Variants in FBXW2 observed in about 807,000 individuals in gnomAD.
FBXW2 encodes the protein F-box and WD repeat domain containing 2, also known as F-box/WD repeat-containing protein 2.
Under a neutral mutation model 46.0 loss-of-function variants are expected in FBXW2, and 12 were observed. The ratio of observed to expected loss-of-function variants is 0.26; its 90% CI spans 0.17 to 0.42. The LOEUF is 0.42. Among genes scored for constraint, FBXW2 ranks in the 10% least tolerant of loss-of-function variants. The pLI is 1.00. For missense variants in FBXW2, 360 were observed against 537.0 expected (o/e 0.67, Z 3.26); for synonymous variants, 203 against 209.6 (o/e 0.97, Z 0.27).
intron 7 of FBXW2, 147 bp downstream of exon 7, chr9:120,771,201 G>T: frequency 3.3e-6 from 2 of 599,148 alleles, no homozygotes; most frequent in Non-Finnish European, 5.4e-6. Context: ...GAGATGTTCA[G>T]TATATATAAC....
intron 4 of FBXW2, among the ~76,000 whole-genome samples, chr9:120,776,903 G>A (rs968042367): frequency 2.0e-5 from 3 of 152,042 alleles, no homozygotes; most frequent in Non-Finnish European, 2.9e-5. Context: ...GAGTGGAGGA[G>A]GAAGCCCAGA....
intron 7 of FBXW2, 88 bp from the exon 8 acceptor site, chr9:120,764,935 C>A: frequency 9.1e-7 from 1 of 1,097,864 alleles, no homozygotes; most frequent in Non-Finnish European, 1.3e-6. Context: ...TATTTAAAAC[C>A]AATATTAAAT....
At position 120,760,767 on chromosome 9, in the gene FBXW2, C is replaced by T. The variant is rs570642837; in HGVS notation, c.*3792G>A. On this transcript the variant is annotated 3_prime_UTR_variant, in exon 8 of 8. Transcript: ENST00000608872. ...TCAAAGAAATGTGTAAAGCCAGGAT[C>T]CACTATCCTTAGCTGATTCTGTTAG... 1.3e-5 allele frequency: 2 copies of T among 152,344 alleles called. No individual in the cohort carries two copies. Among genetic ancestry groups the T allele is most frequent in the African/African-American group, 4.8e-5 (2 of 41,576 alleles). 9.4% of individuals were successfully genotyped at this position (152,344 alleles called of 1,614,324 possible).
chr9:120,773,377 A>C (rs2044422038), intron 5 of FBXW2, among the ~76,000 whole-genome samples: 1 of 152,178 alleles, frequency 6.6e-6, no homozygotes, highest in African/African-American at 2.4e-5. Context: ...ATCATAAATG[A>C]AAAAGCACTG....
chr9:120,776,383 T>C (rs1204521416), intron 4 of FBXW2, 157 bp from the exon 5 acceptor site: 7 of 778,924 alleles, frequency 9.0e-6, no homozygotes, highest in Non-Finnish European at 1.2e-5. Flanking sequence ...GATAAAACTA[T>C]TTCAAAATTC....
At chr9:120,784,197 T>C (rs1026725863) in intron 3 of FBXW2, among the ~76,000 whole-genome samples, 2 of 152,186 alleles carry the variant, frequency 1.3e-5, no homozygotes, top group African/African-American at 4.8e-5. Flanking sequence ...GAATTGTAGA[T>C]ATTAACTTTC....
intron 6 of FBXW2, among the ~76,000 whole-genome samples, chr9:120,772,486 G>A (rs2044399556): frequency 1.1e-5 from 1 of 94,630 alleles, no homozygotes; most frequent in Non-Finnish European, 2.1e-5. Flanking sequence ...GAGCGAGACT[G>A]TCTCAAAAAA....
At chr9:120,790,041 T>A (rs1339116630) in intron 2 of FBXW2, among the ~76,000 whole-genome samples, 1 of 152,214 alleles carries the variant, frequency 6.6e-6, no homozygotes, top group African/African-American at 2.4e-5. Context: ...TTCCTCTAAA[T>A]CCTAACAACC....
rs2044208956 is a variant in FBXW2, at chr9:120,762,352, A to G, written c.*2207T>C. 1 of 150,502 alleles carries G rather than the reference A, an allele frequency of 6.6e-6. No homozygotes were observed. The highest frequency in any genetic ancestry group is 1.5e-5 in the Non-Finnish European group (1 of 67,710). The allele number at this position is 150,502 out of a possible 1,614,324, so 9.3% of individuals were successfully genotyped here. On this transcript the variant is annotated 3_prime_UTR_variant, in exon 8 of 8. Coordinates refer to ENST00000608872, the MANE Select transcript of FBXW2 (RefSeq NM_012164.4). ...CGAAACTCTGTCTCAAAAAAAAAAA[A>G]ATAATAATAAAGTAAAAAGTCATTT...
At chr9:120,787,168 A>AT (rs764556527) in intron 3 of FBXW2, among the ~76,000 whole-genome samples, 123 of 152,364 alleles carry the variant, frequency 8.1e-4, no homozygotes, top group Non-Finnish European at 1.3e-3. Context: ...AGCTGGGATT[A>AT]TAGGCGCATG....
Position 120,787,770 on chromosome 9 carries a change from T to G in FBXW2, c.489A>C (p.Thr163=), listed in dbSNP as rs753715894. The part of the protein sequence containing the change: ...ALYYKDGLLC[T]GSDDLSAKLW... ...AAAAGCAGTTTCAACATCTCTTACCTGTACAGAGAAGTCCATCTTTGTAGT... is the reference window on the plus strand; with the variant it reads ...AAAAGCAGTTTCAACATCTCTTACCGGTACAGAGAAGTCCATCTTTGTAGT... Residue 163 remains threonine (T), a splice_region_variant and synonymous_variant, in exon 3 of 8, where the codon ACA becomes ACC. Transcript: ENST00000608872. 1.2e-6 allele frequency: 2 copies of G among 1,609,854 alleles called. No homozygotes were observed. The highest frequency in any genetic ancestry group is 1.7e-6 in the Non-Finnish European group (2 of 1,178,404).
chr9:120,783,011 C>A (rs928462270), intron 3 of FBXW2, among the ~76,000 whole-genome samples: 1 of 151,916 alleles, frequency 6.6e-6, no homozygotes, highest in Non-Finnish European at 1.5e-5. Flanking sequence ...GTGATGACTG[C>A]ACAACAACGT....
chr9:120,788,367 A>G, intron 2 of FBXW2, 89 bp from the exon 3 acceptor site: 1 of 1,279,164 alleles, frequency 7.8e-7, no homozygotes, highest in South Asian at 1.4e-5. Context: ...AAATTAGTGT[A>G]AAAAATCTGC....
At position 120,759,442 on chromosome 9, in the gene FBXW2, C is replaced by T. The variant is rs1247448742; in HGVS notation, c.*5117G>A. The T allele has an allele frequency of 6.6e-6, 1 of 152,224 alleles. No homozygotes were observed. Among genetic ancestry groups the T allele is most frequent in the African/African-American group, 2.4e-5 (1 of 41,462 alleles). The allele number at this position is 152,224 out of a possible 1,614,324, so 9.4% of individuals were successfully genotyped here. The stretch of plus-strand genomic sequence containing the variant: ...TAAGCAACCTCTTCTTCCCCCTACC[C>T]CACACAGTTCAAATATAAACTTTAT... On this transcript the variant is annotated 3_prime_UTR_variant, in exon 8 of 8. Transcript: ENST00000608872.
intron 3 of FBXW2, among the ~76,000 whole-genome samples, chr9:120,785,372 C>A (rs2044699036): frequency 6.6e-6 from 1 of 152,146 alleles, no homozygotes; most frequent in Non-Finnish European, 1.5e-5. Context: ...ATCACCACAA[C>A]AGAGAAAGTA....
intron 3 of FBXW2, among the ~76,000 whole-genome samples, chr9:120,782,320 G>A (rs574937556): frequency 3.9e-5 from 6 of 152,072 alleles, no homozygotes; most frequent in South Asian, 2.1e-4. Context: ...ACAAAAATTA[G>A]CCAGACACGG....
intron 2 of FBXW2, among the ~76,000 whole-genome samples, chr9:120,790,744 A>G (rs969263012): frequency 5.3e-5 from 8 of 152,222 alleles, no homozygotes; most frequent in Non-Finnish European, 1.2e-4. Flanking sequence ...TAAGAGACAT[A>G]CTATAATATG....
chr9:120,769,184 C>T (rs1046051011), intron 7 of FBXW2, among the ~76,000 whole-genome samples: 3 of 152,210 alleles, frequency 2.0e-5, no homozygotes, highest in African/African-American at 7.2e-5. Context: ...TGCTTTGCTT[C>T]TTTTCAATTA....
intron 7 of FBXW2, among the ~76,000 whole-genome samples, chr9:120,765,433 C>A (rs977806931): frequency 6.6e-6 from 1 of 152,136 alleles, no homozygotes; most frequent in Non-Finnish European, 1.5e-5. Flanking sequence ...TCTATCCAGG[C>A]TAGAAAGGAT....
Sources: allele counts gnomAD v4.1 joint callset (sites outside exome capture counted in the v4.1 genomes callset), GRCh38; gene constraint gnomAD v4.1.1; transcripts MANE v1.5; gene names NCBI Gene and HGNC (gene_info 2026-07-23, HGNC 2026-07-21).